PLIN4: variants seen among roughly 807,000 people sequenced by gnomAD.
PLIN4 encodes the protein perilipin-4.
A neutral mutation model predicts 52.4 loss-of-function variants in PLIN4; 57 were observed. The ratio of observed to expected loss-of-function variants is 1.09; its 90% CI spans 0.88 to 1.36. PLIN4 has a LOEUF of 1.36. PLIN4 is among the 40% of genes most tolerant of loss of function. PLIN4 has a pLI of 0.00. For missense variants in PLIN4, 1,757 were observed against 1,770.3 expected (o/e 0.99, Z 0.13); for synonymous variants, 826 against 785.4 (o/e 1.05, Z -0.86).
At chr19:4,516,003 A>T (rs1401019489) in intron 4 of PLIN4, among the ~76,000 whole-genome samples, 1 of 150,670 alleles carries the variant, frequency 6.6e-6, no homozygotes, top group Non-Finnish European at 1.5e-5. Flanking sequence ...TGCCAGGCGC[A>T]GTGGCTAATG....
chr19:4,517,794 G>T, intron 2 of PLIN4, 96 bp from the exon 3 acceptor site: 1 of 1,441,102 alleles, frequency 6.9e-7, no homozygotes. Flanking sequence ...TGCCGCCCCG[G>T]CCCCTTGCTC....
chr19:4,515,229 G>A (rs1175332707), intron 4 of PLIN4, among the ~76,000 whole-genome samples: 1 of 151,790 alleles, frequency 6.6e-6, no homozygotes, highest in East Asian at 1.9e-4. Context: ...TGATGGCCTA[G>A]GAGTTCTAAC....
Position 4,512,591 on chromosome 19 carries a change from T to G in PLIN4, c.1369A>C (p.Thr457Pro), listed in dbSNP as rs1568234104. 1 of 1,610,158 alleles carries G rather than the reference T, an allele frequency of 6.2e-7. No homozygotes were observed. Residue 457 changes from threonine to proline, a missense_variant, in exon 5 of 8, where the codon ACC (threonine) becomes CCC (proline). Coordinates refer to ENST00000301286, the MANE Select transcript of PLIN4 (RefSeq NM_001367868.2). ...GTACCAGTTAGAACGATCTTGGTGG[T>G]GTCCACGCCTGTCTGGATGGTTCCT... ...ARGTIQTGVD[T>P]TKIVLTGTKD...
intron 6 of PLIN4, among the ~76,000 whole-genome samples, chr19:4,506,468 A>G (rs988106174): frequency 3.9e-5 from 6 of 152,148 alleles, no homozygotes; most frequent in African/African-American, 1.4e-4. Flanking sequence ...TTTTCCAAGC[A>G]TCATCCAACG....
intron 2 of PLIN4, 78 bp downstream of exon 2, chr19:4,518,144 G>A (rs1327706172): frequency 1.7e-6 from 2 of 1,159,600 alleles, no homozygotes; most frequent in Non-Finnish European, 2.2e-6. Flanking sequence ...CGAGACCCCA[G>A]GACTGTGGAG....
chr19:4,506,202 C>T (rs1028076282), intron 6 of PLIN4, among the ~76,000 whole-genome samples: 3 of 152,180 alleles, frequency 2.0e-5, no homozygotes, highest in Non-Finnish European at 4.4e-5. Context: ...CCCTTGGGGT[C>T]GAAGCCCAGG....
In PLIN4 at chr19:4,504,690, G is replaced by A. The variant is rs752867164; in HGVS notation, c.3885C>T (p.Pro1295=). ...GCCCCACTGGCTGCTGGAGCTCGGCGGGCAGGCCCTGGAGGCTGGAGACCA... is the reference window on the plus strand; with the variant it reads ...GCCCCACTGGCTGCTGGAGCTCGGCAGGCAGGCCCTGGAGGCTGGAGACCA... ...SGLVSSLQGL[P]AELQQPVGRA... is the part of the protein sequence containing the mutation. Residue 1295 remains proline (P), a synonymous_variant, in exon 8 of 8, where the codon CCC becomes CCT. Coordinates refer to ENST00000301286, the MANE Select transcript of PLIN4 (RefSeq NM_001367868.2). 1.7e-5 allele frequency: 28 copies of A among 1,601,318 alleles called. No individual in the cohort carries two copies. In the African/African-American group the frequency reaches 2.5e-4, roughly 15 times the overall value.
chr19:4,514,385 C>G (rs1273000945), intron 4 of PLIN4, among the ~76,000 whole-genome samples: 1 of 151,680 alleles, frequency 6.6e-6, no homozygotes, highest in African/African-American at 2.4e-5. Flanking sequence ...GAGGTTGAGG[C>G]AATAGTGAGA....
At position 4,510,684 on chromosome 19, in the gene PLIN4, G is replaced by A. The variant is rs376636038; in HGVS notation, c.3276C>T (p.Ile1092=). 6.6e-6 allele frequency: 10 copies of A among 1,520,890 alleles called. No individual in the cohort carries two copies. In the African/African-American group the frequency reaches 1.3e-4, roughly 19 times the overall value. The allele number at this position is 1,520,890 out of a possible 1,614,324, so 94.2% of individuals were successfully genotyped here. A position where few individuals can be genotyped will look rare whatever the true frequency, so the allele number is the denominator to read the frequency against. The change falls in exon 5 of 8, where the codon ATC becomes ATT. Residue 1092 remains isoleucine (I), a synonymous_variant. Coordinates refer to ENST00000301286, the MANE Select transcript of PLIN4 (RefSeq NM_001367868.2). The part of the protein sequence containing the change: ...LSPQEAPFSG[I]STPPDVLSVG... ...CACTGAGCACATCCGGGGGCGTGGAGATGCCAGAGAACGGGGCCTCTTGGG... is the reference window on the plus strand; with the variant it reads ...CACTGAGCACATCCGGGGGCGTGGAAATGCCAGAGAACGGGGCCTCTTGGG...
chr19:4,517,557 GAGCCTGTGGTTGGGC>G lies in PLIN4; in HGVS notation c.178_192del (p.Ala60_Ala64del). 6.2e-7 allele frequency: 1 copy of G among 1,608,830 alleles called. No homozygotes were observed. Among genetic ancestry groups the G allele is most frequent in the South Asian group, 1.1e-5 (1 of 90,748 alleles). ...CCCAGCTGGGCCAGCCACTCACCCT[GAGCCTGTGGTTGGGC>G]AGCCTCGGCAGCAGGCGCTCCTGTG... On this transcript the variant is annotated inframe_deletion, in exon 3 of 8. Coordinates refer to ENST00000301286, the MANE Select transcript of PLIN4 (RefSeq NM_001367868.2).
intron 6 of PLIN4, among the ~76,000 whole-genome samples, chr19:4,506,784 G>A (rs1028330302): frequency 3.3e-5 from 5 of 152,264 alleles, no homozygotes; most frequent in African/African-American, 7.2e-5. Flanking sequence ...CGCTTGCAGC[G>A]TGCTGCGAGG....
chr19:4,515,991 C>T (rs546823663), intron 4 of PLIN4, among the ~76,000 whole-genome samples: 1 of 151,444 alleles, frequency 6.6e-6, no homozygotes, highest in Admixed American at 6.5e-5. Flanking sequence ...AACAGATCCT[C>T]TTGCCAGGCG....
chr19:4,510,678 CGTG>C lies in PLIN4; in HGVS notation c.3279_3281del (p.Thr1094del). 6.6e-7 allele frequency: 1 copy of C among 1,520,816 alleles called. No individual in the cohort carries two copies. The highest frequency in any genetic ancestry group is 8.8e-7 in the Non-Finnish European group (1 of 1,137,850). 94.2% of individuals were successfully genotyped at this position (1,520,816 alleles called of 1,614,324 possible). ...GGCCTACACTGAGCACATCCGGGGG[CGTG>C]GAGATGCCAGAGAACGGGGCCTCTT... is the stretch of plus-strand genomic sequence containing the variant. On this transcript the variant is annotated inframe_deletion, in exon 5 of 8. Coordinates refer to ENST00000301286, the MANE Select transcript of PLIN4 (RefSeq NM_001367868.2).
rs548086031 is a variant in PLIN4 at position 4,502,319 on chromosome 19, G to T, written c.*2140C>A. 2.7e-5 allele frequency: 12 copies of T among 440,206 alleles called. No individual in the cohort carries two copies. Among genetic ancestry groups the T allele is most frequent in the Admixed American group, 7.4e-5 (2 of 27,086 alleles). 27.3% of individuals were successfully genotyped at this position (440,206 alleles called of 1,614,324 possible). On this transcript the variant is annotated 3_prime_UTR_variant, in exon 8 of 8. Transcript: ENST00000301286. ...CGTTTGGGACTGGGTTGAGCCATCA[G>T]GCCACCGTGAGAAGCGACTAAAAGG... is the stretch of plus-strand genomic sequence containing the variant.
In PLIN4 at chr19:4,512,315, C is replaced by T. The variant is rs371850881; in HGVS notation, c.1645G>A (p.Ala549Thr). The T allele has an allele frequency of 6.2e-7, 1 of 1,610,266 alleles. No individual in the cohort carries two copies. Among genetic ancestry groups the T allele is most frequent in the South Asian group, 1.1e-5 (1 of 90,930 alleles). ...GTGGTGTCCAGGCCCCCCTGGACGG[C>T]CCCTTTGGCCACGTTCACAGCACTG... Reference protein sequence around the residue: ...VTSAVNVAKGAVQGGLDTTKS... With the variant: ...VTSAVNVAKGTVQGGLDTTKS... Residue 549 changes from alanine (A) to threonine (T), a missense_variant, in exon 5 of 8, where the codon GCC becomes ACC. By Grantham distance (58) the Ala-to-Thr change is moderately conservative. Transcript: ENST00000301286.
intron 2 of PLIN4, among the ~76,000 whole-genome samples, 198 bp downstream of exon 2, chr19:4,518,024 C>T (rs183003527): frequency 4.6e-5 from 7 of 152,258 alleles, no homozygotes; most frequent in Admixed American, 3.9e-4. Flanking sequence ...GGGAAGGTGT[C>T]GAGGTCTGCG....
chr19:4,517,231 C>T (rs954484350), intron 3 of PLIN4, among the ~76,000 whole-genome samples: 1 of 152,292 alleles, frequency 6.6e-6, no homozygotes, highest in South Asian at 2.1e-4. Context: ...CTGGATCTCA[C>T]TCTGATGAGC....
chr19:4,517,479 C>A, intron 3 of PLIN4, 75 bp downstream of exon 3: 1 of 1,515,526 alleles, frequency 6.6e-7, no homozygotes, highest in South Asian at 1.3e-5. Flanking sequence ...GGCTGGAAGT[C>A]CCTGCCCGGG....
At position 4,517,672 on chromosome 19, in the gene PLIN4, C is replaced by T. The variant is rs796842968; in HGVS notation, c.78G>A (p.Leu26=). ...GGTTCCGGGCAGAGCTGAAGCCAGG[C>T]AGGGACCCAAAGAAGCTGCCCAGGG... ...GKTLGSFFGS[L]PGFSSARNLV... Residue 26 remains leucine (L), a synonymous_variant, in exon 3 of 8, where the codon CTG becomes CTA. Coordinates refer to ENST00000301286, the MANE Select transcript of PLIN4 (RefSeq NM_001367868.2). 2.5e-6 allele frequency: 4 copies of T among 1,600,328 alleles called. No individual in the cohort carries two copies. In the South Asian group the frequency reaches 4.5e-5, roughly 18 times the overall value.
Sources: gnomAD v4.1 joint callset for allele counts (sites outside exome capture counted in the v4.1 genomes callset) on GRCh38, gnomAD v4.1.1 for gene constraint, MANE v1.5 for transcripts, NCBI Gene and HGNC (gene_info 2026-07-23, HGNC 2026-07-21) for gene names.